TTL: variants seen among roughly 807,000 people sequenced by gnomAD.
TTL encodes the protein tubulin tyrosine ligase.
TTL carries 10 observed loss-of-function variants against 41.1 expected under a neutral mutation model. The ratio of observed to expected loss-of-function variants is 0.24; its 90% CI spans 0.15 to 0.41. The LOEUF (loss-of-function observed/expected upper bound fraction) is 0.41, where lower values mean the gene tolerates loss of function less well. TTL is among the 10% of genes least tolerant of loss of function. The pLI is 1.00. For synonymous variants in TTL, 175 were observed against 175.5 expected, an observed-to-expected ratio of 1.00 and a Z score of 0.02; for missense variants, 367 against 460.4, an observed-to-expected ratio of 0.80 and a Z score of 1.86.
At chr2:112,518,967 G>A (rs1352324840) in intron 5 of TTL, among the ~76,000 whole-genome samples, 1 of 152,108 alleles carries the variant, frequency 6.6e-6, no homozygotes, top group Non-Finnish European at 1.5e-5. Context: ...GAGCCACCGC[G>A]CCCGGCTGGC....
intron 3 of TTL, among the ~76,000 whole-genome samples, chr2:112,498,860 C>T (rs1681611099): frequency 6.6e-6 from 1 of 151,944 alleles, no homozygotes; most frequent in Non-Finnish European, 1.5e-5. Context: ...GACTCCATCT[C>T]AATCAATAAA....
intron 5 of TTL, among the ~76,000 whole-genome samples, chr2:112,512,055 G>A (rs969827327): frequency 2.6e-5 from 4 of 151,718 alleles, no homozygotes; most frequent in African/African-American, 9.7e-5. Flanking sequence ...CTGGTAGACA[G>A]CATATAGTTG....
intron 3 of TTL, among the ~76,000 whole-genome samples, chr2:112,499,243 G>A (rs538667106): frequency 2.0e-5 from 3 of 150,878 alleles, no homozygotes; most frequent in Non-Finnish European, 4.4e-5. Flanking sequence ...TGAACCAGGG[G>A]GCAGAGGTTG....
chr2:112,482,446 C>T lies in TTL; in HGVS notation c.102C>T (p.Asn34=). ...TGHWKRLRRD[N]PRFNLMLGER... is the part of the protein sequence containing the mutation. ...ACTGGAAGAGGCTGCGGCGAGACAA[C>T]CCCAGATTCAACCTGATGCTGGGAG... The change falls in exon 1 of 7, where the codon AAC becomes AAT. Residue 34 remains asparagine, a synonymous_variant. Transcript: ENST00000233336. This position sits in a 1 kb window ranked among gnomAD's most constrained non-coding sequence, Gnocchi z 5.3. 1 of 1,611,288 alleles carries T rather than the reference C, an allele frequency of 6.2e-7. No individual in the cohort carries two copies. Among genetic ancestry groups the T allele is most frequent in the African/African-American group, 1.3e-5 (1 of 74,786 alleles).
At chr2:112,483,794 T>G (rs1326499564) in intron 1 of TTL, 3 of 152,282 alleles carry the variant, frequency 2.0e-5, no homozygotes, top group East Asian at 3.9e-4. Flanking sequence ...TATACAAGTT[T>G]ATGATGTAGA....
chr2:112,511,225 T>G (rs1320114771), intron 5 of TTL, among the ~76,000 whole-genome samples: 2 of 151,980 alleles, frequency 1.3e-5, no homozygotes, highest in Non-Finnish European at 2.9e-5. Context: ...CCCAAGCTGG[T>G]CTCGAACTCT....
intron 2 of TTL, among the ~76,000 whole-genome samples, chr2:112,492,449 G>T (rs1354949127): frequency 6.6e-6 from 1 of 152,054 alleles, no homozygotes; most frequent in African/African-American, 2.4e-5. Flanking sequence ...GCTGGGTGTG[G>T]GCCGGGCGCG....
intron 5 of TTL, among the ~76,000 whole-genome samples, chr2:112,518,919 C>G (rs1160509919): frequency 6.6e-6 from 1 of 152,160 alleles, no homozygotes; most frequent in Non-Finnish European, 1.5e-5. Context: ...AGGTTACCCA[C>G]CCGCCTCGGC....
chr2:112,482,582 T>C lies in TTL; in HGVS notation c.157+81T>C. 1.4e-6 allele frequency: 2 copies of C among 1,442,040 alleles called. No homozygotes were observed. Among genetic ancestry groups the C allele is most frequent in the Non-Finnish European group, 9.2e-7 (1 of 1,086,880 alleles). 89.3% of individuals were successfully genotyped at this position (1,442,040 alleles called of 1,614,324 possible). ...CGCGGCCCGTTAGAACCGGCGCTTT[T>C]GTTTTTAAAGGTCATACATTTTCTC... is the stretch of plus-strand genomic sequence containing the variant. On this transcript the variant is annotated intron_variant, in intron 1 of 6. Transcript: ENST00000233336. The surrounding 1 kb of genome is among the most constrained non-coding windows in gnomAD (Gnocchi z 5.3).
chr2:112,499,637 A>G (rs527975994), intron 3 of TTL, among the ~76,000 whole-genome samples: 3 of 152,348 alleles, frequency 2.0e-5, no homozygotes, highest in East Asian at 1.9e-4. Flanking sequence ...AACCTCATCA[A>G]AATAAAACTT....
Position 112,494,156 on chromosome 2 carries a change from A to C in TTL, c.250A>C (p.Ser84Arg), listed in dbSNP as rs755266394. Residue 84 changes from serine (S) to arginine (R), a missense_variant, in exon 3 of 7, where the codon AGC (serine) becomes CGC (arginine). Ser to Arg is a moderately radical substitution (Grantham distance 110, BLOSUM62 -1). Coordinates refer to ENST00000233336, the MANE Select transcript of TTL (RefSeq NM_153712.5). ...GTCATCTGCCAGGCTAATCAAGACA[A>C]GCCCTGAACTGGCTGAGTCCTGCAC... Reference protein sequence around the residue: ...KASLVKLIKTSPELAESCTWF... With the variant: ...KASLVKLIKTRPELAESCTWF... 1.9e-6 allele frequency: 3 copies of C among 1,614,104 alleles called. No homozygotes were observed. Among genetic ancestry groups the C allele is most frequent in the Non-Finnish European group, 2.5e-6 (3 of 1,179,976 alleles).
At chr2:112,503,997 T>C (rs1420299450) in intron 5 of TTL, among the ~76,000 whole-genome samples, 19 of 79,766 alleles carry the variant, frequency 2.4e-4, no homozygotes, top group African/African-American at 7.1e-4. Context: ...CAGAGTGTGA[T>C]ATTCCCCTTC....
chr2:112,503,524 C>G (rs976386146), intron 5 of TTL, among the ~76,000 whole-genome samples: 9 of 150,130 alleles, frequency 6.0e-5, no homozygotes, highest in African/African-American at 2.2e-4. Flanking sequence ...ACCTCTACCT[C>G]CTGGGTTCAA....
chr2:112,484,719 T>C (rs1479690687), intron 1 of TTL, among the ~76,000 whole-genome samples: 1 of 152,138 alleles, frequency 6.6e-6, no homozygotes, highest in Non-Finnish European at 1.5e-5. Context: ...GGAAGGCAGG[T>C]GCCCTGTGGA....
At chr2:112,516,332 C>G (rs1682068945) in intron 5 of TTL, among the ~76,000 whole-genome samples, 1 of 152,018 alleles carries the variant, frequency 6.6e-6, no homozygotes, top group South Asian at 2.1e-4. Context: ...TCCCATTGAC[C>G]CAGGGCCACT....
intron 3 of TTL, among the ~76,000 whole-genome samples, chr2:112,500,285 G>C (rs1439432964): frequency 6.6e-6 from 1 of 151,588 alleles, no homozygotes; most frequent in Non-Finnish European, 1.5e-5. Context: ...AAATTAAACT[G>C]TAGTAGGCCG....
chr2:112,517,198 TG>T (rs1682095557), intron 5 of TTL, among the ~76,000 whole-genome samples: 1 of 151,918 alleles, frequency 6.6e-6, no homozygotes, highest in Non-Finnish European at 1.5e-5. Context: ...GATTTGCTTC[TG>T]ATTCTCAGGT....
At chr2:112,517,913 G>A (rs1302508558) in intron 5 of TTL, among the ~76,000 whole-genome samples, 2 of 151,160 alleles carry the variant, frequency 1.3e-5, no homozygotes, top group Non-Finnish European at 3.0e-5. Context: ...TTGGGCCCCT[G>A]CACTCCAGCC....
intron 6 of TTL, among the ~76,000 whole-genome samples, chr2:112,526,359 A>G (rs1682372168): frequency 6.6e-6 from 1 of 152,220 alleles, no homozygotes; most frequent in Non-Finnish European, 1.5e-5. Context: ...TTCAGAAGGA[A>G]TGGTACCAGC....
Sources: gnomAD v4.1 joint callset for allele counts (sites outside exome capture counted in the v4.1 genomes callset) on GRCh38, gnomAD v4.1.1 for gene constraint, Gnocchi (gnomAD v3.1) non-coding constraint, MANE v1.5 for transcripts, NCBI Gene and HGNC (gene_info 2026-07-23, HGNC 2026-07-21) for gene names.